The following CACNA1C variants were observed in gnomAD, a reference collection of about 807,000 sequenced individuals.
CACNA1C encodes the protein calcium voltage-gated channel subunit alpha1 C, also known as voltage-dependent L-type calcium channel subunit alpha-1C.
CACNA1C carries 30 observed loss-of-function variants against 229.0 expected under a neutral mutation model. The ratio of observed to expected loss-of-function variants is 0.13; its 90% CI spans 0.10 to 0.18. CACNA1C has a LOEUF of 0.18. CACNA1C is among the 10% of genes least tolerant of loss of function. The pLI is 1.00. For missense variants in CACNA1C, 1,658 were observed against 2,845.0 expected (o/e 0.58, Z 9.49); for synonymous variants, 1,114 against 1,132.5 (o/e 0.98, Z 0.33).
At chr12:2,047,209 C>A (rs907338166) in intron 1 of CACNA1C, among the ~76,000 whole-genome samples, 2 of 152,354 alleles carry the variant, frequency 1.3e-5, no homozygotes, top group East Asian at 3.9e-4. Context: ...TGCACCTGTA[C>A]AATGGTGGTA....
At chr12:2,051,507 A>G (rs914699870), upstream of CACNA1C, among the ~76,000 whole-genome samples, 2 of 152,110 alleles carry the variant, frequency 1.3e-5, no homozygotes, top group Admixed American at 6.5e-5. Flanking sequence ...CAGAGGGGAG[A>G]GGGAAGGTAG....
chr12:2,567,771 G>T lies in CACNA1C; in HGVS notation c.1872G>T (p.Leu624=). ...TCTCCGTGCTCAGATGCGTCCGGCTGCTGAGGATTTTCAAGATCACGAGGT... is the reference window on the plus strand; with the variant it reads ...TCTCCGTGCTCAGATGCGTCCGGCTTCTGAGGATTTTCAAGATCACGAGGT... ...LGISVLRCVR[L]LRIFKITRYW... The change falls in exon 13 of 47, where the codon CTG becomes CTT. Residue 624 remains leucine, a synonymous_variant. Transcript: ENST00000399655. The T allele has an allele frequency of 1.2e-6, 2 of 1,609,748 alleles. No individual in the cohort carries two copies. The highest frequency in any genetic ancestry group is 1.7e-6 in the Non-Finnish European group (2 of 1,176,386).
chr12:2,156,182 A>G (rs1372243203), intron 3 of CACNA1C, among the ~76,000 whole-genome samples: 1 of 152,272 alleles, frequency 6.6e-6, no homozygotes, highest in Non-Finnish European at 1.5e-5. Flanking sequence ...AAAGGTCAAG[A>G]AATGATGATC....
intron 9 of CACNA1C, among the ~76,000 whole-genome samples, chr12:2,539,209 G>A (rs1011736679): frequency 2.3e-5 from 3 of 129,764 alleles, no homozygotes; most frequent in Non-Finnish European, 5.1e-5. Flanking sequence ...GTGACTTGAG[G>A]AGGGCTTCAT....
chr12:2,142,563 G>A (rs189957192), intron 3 of CACNA1C, among the ~76,000 whole-genome samples: 7 of 151,468 alleles, frequency 4.6e-5, no homozygotes, highest in Admixed American at 1.3e-4. Flanking sequence ...CCTCAGGCAC[G>A]TCCTTCAGGA....
chr12:2,286,400 G>A (rs551012218), intron 3 of CACNA1C, among the ~76,000 whole-genome samples: 1 of 152,312 alleles, frequency 6.6e-6, no homozygotes, highest in East Asian at 1.9e-4. Context: ...TGGAGCGAGC[G>A]GGTGAAAATA....
intron 3 of CACNA1C, among the ~76,000 whole-genome samples, chr12:2,218,481 C>A (rs1327003173): frequency 6.6e-6 from 1 of 152,094 alleles, no homozygotes; most frequent in Non-Finnish European, 1.5e-5. Flanking sequence ...GCAAAACTCC[C>A]TTTTTTATTC....
chr12:2,560,243 C>T (rs2046734728), intron 11 of CACNA1C, among the ~76,000 whole-genome samples: 2 of 152,186 alleles, frequency 1.3e-5, no homozygotes, highest in African/African-American at 4.8e-5. Context: ...ATTGAAAATG[C>T]CACCAACGTT....
Position 2,648,562 on chromosome 12 carries a change from C to G in CACNA1C, c.3945+55C>G, listed in dbSNP as rs2094577298. The G allele has an allele frequency of 3.3e-6, 5 of 1,509,256 alleles. No homozygotes were observed. In the Admixed American group the frequency reaches 6.7e-5, roughly 20 times the overall value. 93.5% of individuals were successfully genotyped at this position (1,509,256 alleles called of 1,614,324 possible). On this transcript the variant is annotated intron_variant, in intron 31 of 46. Transcript: ENST00000399655. Reference sequence around the variant, plus strand: ...GGCTTCCGTGTCCCCCTCTAACACCCCCACTCTCCCCACCCCGAACTCCAG... The same window carrying G: ...GGCTTCCGTGTCCCCCTCTAACACCGCCACTCTCCCCACCCCGAACTCCAG...
Position 2,566,489 on chromosome 12 carries a change from T to C in CACNA1C, c.1576T>C (p.Phe526Leu). Reference sequence around the variant, plus strand: ...CCGCGCCGCAGTCAAGTCTAATGTCTTCTACTGGCTGGTGATTTTCCTGGT... The same window carrying C: ...CCGCGCCGCAGTCAAGTCTAATGTCCTCTACTGGCTGGTGATTTTCCTGGT... ...KCRAAVKSNV[F>L]YWLVIFLVFL... The change falls in exon 12 of 47, where the codon TTC becomes CTC. Residue 526 changes from phenylalanine (F) to leucine (L), a missense_variant. This residue lies in a region of CACNA1C where 149 missense variants were observed against 194.2 expected (regional missense o/e 0.77). Coordinates refer to ENST00000399655, the MANE Select transcript of CACNA1C (RefSeq NM_000719.7). This position sits in a 1 kb window ranked among gnomAD's most constrained non-coding sequence, Gnocchi z 4.0. 1 of 1,595,718 alleles carries C rather than the reference T, an allele frequency of 6.3e-7. No individual in the cohort carries two copies. Among genetic ancestry groups the C allele is most frequent in the Non-Finnish European group, 8.5e-7 (1 of 1,171,056 alleles).
At chr12:2,060,108 T>C (rs2056897811) in intron 1 of CACNA1C, among the ~76,000 whole-genome samples, 1 of 152,232 alleles carries the variant, frequency 6.6e-6, no homozygotes, top group Non-Finnish European at 1.5e-5. Context: ...GATCACGATT[T>C]TGTCTGCAAA....
At chr12:2,366,611 G>A (rs747250803) in intron 3 of CACNA1C, among the ~76,000 whole-genome samples, 6 of 151,984 alleles carry the variant, frequency 3.9e-5, no homozygotes, top group East Asian at 1.9e-4. Context: ...TTAAAAATCC[G>A]GGTTTCAACT....
chr12:2,344,817 T>G (rs1018229638), intron 3 of CACNA1C, among the ~76,000 whole-genome samples: 1 of 152,042 alleles, frequency 6.6e-6, no homozygotes, highest in East Asian at 1.9e-4. Context: ...GCCAGGTTAC[T>G]CCATCAAAAC....
intron 3 of CACNA1C, among the ~76,000 whole-genome samples, chr12:2,383,902 G>A (rs1002913356): frequency 1.3e-5 from 2 of 152,230 alleles, no homozygotes; most frequent in Admixed American, 1.3e-4. Flanking sequence ...TAATGAGCAG[G>A]AAATCTAATT....
At chr12:2,122,838 G>C (rs1217725508) in intron 3 of CACNA1C, among the ~76,000 whole-genome samples, 1 of 152,190 alleles carries the variant, frequency 6.6e-6, no homozygotes, top group Non-Finnish European at 1.5e-5. Context: ...CCTGTGGACC[G>C]GTGCAGCGAC....
intron 30 of CACNA1C, among the ~76,000 whole-genome samples, chr12:2,637,594 G>C (rs942891003): frequency 4.6e-5 from 7 of 152,202 alleles, no homozygotes; most frequent in Admixed American, 6.5e-5. Flanking sequence ...CCAGTGTGAG[G>C]GACAGCAGCT....
upstream of CACNA1C, among the ~76,000 whole-genome samples, chr12:2,051,252 C>T (rs933085263): frequency 6.6e-5 from 10 of 152,180 alleles, no homozygotes; most frequent in Admixed American, 3.9e-4. Flanking sequence ...TTACAATGTG[C>T]GTGTGTGTTG....
intron 3 of CACNA1C, among the ~76,000 whole-genome samples, chr12:2,289,450 G>A (rs910102405): frequency 4.6e-5 from 7 of 152,092 alleles, no homozygotes; most frequent in Non-Finnish European, 7.4e-5. Context: ...GGAAATCTAC[G>A]GGGAAGAGAT....
At chr12:2,259,641 A>G (rs1422668722) in intron 3 of CACNA1C, among the ~76,000 whole-genome samples, 4 of 152,210 alleles carry the variant, frequency 2.6e-5, no homozygotes, top group Non-Finnish European at 5.9e-5. Flanking sequence ...TAAGCATTGT[A>G]TCAGATCTAA....
Sources: gnomAD v4.1 joint callset for allele counts (sites outside exome capture counted in the v4.1 genomes callset) on GRCh38, gnomAD v4.1.1 for gene constraint, gnomAD v4.1.1 regional missense constraint, Gnocchi (gnomAD v3.1) non-coding constraint, MANE v1.5 for transcripts, NCBI Gene and HGNC (gene_info 2026-07-23, HGNC 2026-07-21) for gene names.